Variants in KCNT2 observed in about 807,000 individuals in gnomAD.
KCNT2 encodes the protein potassium channel subfamily T member 2.
In KCNT2, 67 loss-of-function variants were observed where a neutral mutation model predicts 153.8. The observed-to-expected ratio is 0.44, with a 90% CI of 0.36 to 0.53. The LOEUF (loss-of-function observed/expected upper bound fraction) is 0.53, where lower values mean the gene tolerates loss of function less well. KCNT2 is among the 20% of genes least tolerant of loss of function. The probability of loss-of-function intolerance (pLI) is 0.00; values close to 1 mark genes in which losing one functional copy is unlikely to be tolerated. For missense variants in KCNT2, 975 were observed against 1,354.8 expected, an observed-to-expected ratio of 0.72 and a Z score of 4.40; for synonymous variants, 500 against 458.8, an observed-to-expected ratio of 1.09 and a Z score of -1.15.
chr1:196,302,357 T>A (rs954585675), intron 22 of KCNT2, among the ~76,000 whole-genome samples: 20 of 152,242 alleles, frequency 1.3e-4, no homozygotes, highest in African/African-American at 4.6e-4. Flanking sequence ...ATTTACCATA[T>A]CATTCATGGA....
At chr1:196,370,284 C>T (rs182403377) in intron 14 of KCNT2, among the ~76,000 whole-genome samples, 3 of 151,814 alleles carry the variant, frequency 2.0e-5, no homozygotes, top group East Asian at 3.9e-4. Context: ...ATAAAGTGAG[C>T]GGGTCTGAAA....
At chr1:196,411,752 C>A (rs1184116740) in intron 12 of KCNT2, among the ~76,000 whole-genome samples, 1 of 151,658 alleles carries the variant, frequency 6.6e-6, no homozygotes, top group Non-Finnish European at 1.5e-5. Context: ...TTTCTGGAAT[C>A]TTTATAGTTT....
chr1:196,429,133 G>A (rs1419161511), intron 9 of KCNT2, among the ~76,000 whole-genome samples: 1 of 151,110 alleles, frequency 6.6e-6, no homozygotes, highest in African/African-American at 2.4e-5. Context: ...CATGAGCCCT[G>A]CACCTGGCCC....
intron 8 of KCNT2, among the ~76,000 whole-genome samples, chr1:196,445,339 G>C (rs972954528): frequency 9.2e-5 from 14 of 151,380 alleles, no homozygotes; most frequent in African/African-American, 3.4e-4. Flanking sequence ...AGAATATCTT[G>C]CTAGCTGCTG....
intron 1 of KCNT2, among the ~76,000 whole-genome samples, chr1:196,520,434 T>C (rs1253649951): frequency 1.3e-5 from 2 of 151,546 alleles, no homozygotes; most frequent in African/African-American, 4.8e-5. Context: ...CTATTTAACA[T>C]AATATTGAAA....
In KCNT2 at chr1:196,342,238, A is replaced by C. The variant is rs1558170067; in HGVS notation, c.1404-10T>G. On this transcript the variant is annotated splice_polypyrimidine_tract_variant and intron_variant, in intron 14 of 27. Coordinates refer to ENST00000294725, the MANE Select transcript of KCNT2 (RefSeq NM_198503.5). ...CGATTGCTGGCCTTCTCTGCAACACAGGCACACACACATACACACACACAA... is the reference window on the plus strand; with the variant it reads ...CGATTGCTGGCCTTCTCTGCAACACCGGCACACACACATACACACACACAA... 1 of 1,609,048 alleles carries C rather than the reference A, an allele frequency of 6.2e-7. No homozygotes were observed.
At chr1:196,412,121 A>C (rs543479927) in intron 12 of KCNT2, among the ~76,000 whole-genome samples, 1 of 151,882 alleles carries the variant, frequency 6.6e-6, no homozygotes, top group Non-Finnish European at 1.5e-5. Context: ...GGTTAATCTT[A>C]AACAATTTTT....
chr1:196,396,609 T>C (rs1394734427), intron 13 of KCNT2, among the ~76,000 whole-genome samples: 1 of 151,662 alleles, frequency 6.6e-6, no homozygotes, highest in Non-Finnish European at 1.5e-5. Context: ...TTAATGAAAC[T>C]AGGATGCCTT....
intron 8 of KCNT2, among the ~76,000 whole-genome samples, chr1:196,433,800 C>CTTTA (rs1348812453): frequency 6.6e-6 from 1 of 151,636 alleles, no homozygotes; most frequent in Non-Finnish European, 1.5e-5. Flanking sequence ...ATTCTATTGT[C>CTTTA]TTTATGTATA....
At chr1:196,479,331 G>T in intron 4 of KCNT2, 93 bp from the exon 5 acceptor site, 1 of 713,062 alleles carries the variant, frequency 1.4e-6, no homozygotes, top group Non-Finnish European at 2.4e-6. Context: ...AAATATATGT[G>T]CATGTATACA....
chr1:196,258,158 C>T (rs371764332), intron 26 of KCNT2, 36 bp downstream of exon 26: 62 of 1,580,056 alleles, frequency 3.9e-5, no homozygotes, highest in Admixed American at 1.8e-4. Context: ...CAAGAAATCA[C>T]GAGTCCATAT....
chr1:196,274,109 T>C (rs1658330999), intron 25 of KCNT2, among the ~76,000 whole-genome samples: 2 of 151,622 alleles, frequency 1.3e-5, no homozygotes. Context: ...GTAATTAAGT[T>C]AGTTGACAGA....
At chr1:196,498,987 G>C (rs1558010791) in intron 1 of KCNT2, among the ~76,000 whole-genome samples, 1 of 152,146 alleles carries the variant, frequency 6.6e-6, no homozygotes, top group African/African-American at 2.4e-5. Context: ...ATTAATATGA[G>C]GGTATACTAT....
At chr1:196,402,473 A>C (rs75822786) in intron 12 of KCNT2, among the ~76,000 whole-genome samples, 2,120 of 151,688 alleles carry the variant, frequency 0.014, 51 homozygotes, top group African/African-American at 0.048. Context: ...GCTCACTATG[A>C]AGCAGTAAGA....
rs749737075 is a variant in KCNT2, at chr1:196,315,919, G to A, written c.2456C>T (p.Thr819Ile). 8.7e-6 allele frequency: 14 copies of A among 1,607,860 alleles called. No homozygotes were observed. Among genetic ancestry groups the A allele is most frequent in the Admixed American group, 3.4e-5 (2 of 59,278 alleles). Residue 819 changes from threonine (T) to isoleucine (I), a missense_variant, in exon 21 of 28, where the codon ACC becomes ATC. Thr to Ile is a moderately conservative substitution (Grantham distance 89). This residue lies in a region of KCNT2 where 66 missense variants were observed against 147.9 expected (regional missense o/e 0.45). Coordinates refer to ENST00000294725, the MANE Select transcript of KCNT2 (RefSeq NM_198503.5). ...GAAGAGTGTCTGCACGTTCACAATG[G>A]TTTTGGCATCTGCCATGTAGTCTTC... ...AEEDYMADAK[T>I]IVNVQTLFRL...
At chr1:196,241,547 A>C (rs556869397) in intron 26 of KCNT2, among the ~76,000 whole-genome samples, 1 of 152,084 alleles carries the variant, frequency 6.6e-6, no homozygotes, top group Non-Finnish European at 1.5e-5. Flanking sequence ...ACCTCTATTT[A>C]AAATTATTTT....
At chr1:196,384,412 T>G (rs1669772840) in intron 13 of KCNT2, among the ~76,000 whole-genome samples, 1 of 152,088 alleles carries the variant, frequency 6.6e-6, no homozygotes, top group South Asian at 2.1e-4. Flanking sequence ...AATTTATGAT[T>G]GTCACATATA....
At chr1:196,416,200 A>G (rs1672740914) in intron 12 of KCNT2, among the ~76,000 whole-genome samples, 1 of 151,954 alleles carries the variant, frequency 6.6e-6, no homozygotes, top group Non-Finnish European at 1.5e-5. Flanking sequence ...GCTTGTGTTC[A>G]AGTGGCCCTT....
chr1:196,276,817 T>C (rs1328769126), intron 25 of KCNT2, among the ~76,000 whole-genome samples: 1 of 152,158 alleles, frequency 6.6e-6, no homozygotes, highest in African/African-American at 2.4e-5. Context: ...TTCTGGCTTG[T>C]GGTATTGCTG....
Sources: gnomAD v4.1 joint callset for allele counts (sites outside exome capture counted in the v4.1 genomes callset) on GRCh38, gnomAD v4.1.1 for gene constraint, gnomAD v4.1.1 regional missense constraint, MANE v1.5 for transcripts, NCBI Gene and HGNC (gene_info 2026-07-23, HGNC 2026-07-21) for gene names.